Variants in CPQ observed in about 807,000 individuals in gnomAD.
The protein encoded by CPQ is Ser-Met dipeptidase.
In CPQ, 37 loss-of-function variants were observed where a neutral mutation model predicts 45.7. The observed-to-expected ratio is 0.81, with a 90% CI of 0.62 to 1.07. The LOEUF is 1.07. Ranked by LOEUF, CPQ falls within the 50% of genes least tolerant of loss-of-function variation. CPQ has a pLI of 0.00. For synonymous variants in CPQ, 186 were observed against 205.8 expected (o/e 0.90, Z 0.82); for missense variants, 537 against 572.9 (o/e 0.94, Z 0.64).
At chr8:97,064,690 T>C (rs1216145010) in intron 6 of CPQ, among the ~76,000 whole-genome samples, 2 of 152,180 alleles carry the variant, frequency 1.3e-5, no homozygotes, top group African/African-American at 2.4e-5. Context: ...AACTACAATA[T>C]ACTTCCAAAG....
At chr8:96,707,395 T>TG in intron 1 of CPQ, among the ~76,000 whole-genome samples, 1 of 152,270 alleles carries the variant, frequency 6.6e-6, no homozygotes, top group East Asian at 1.9e-4. Context: ...ACTTCAAGCT[T>TG]GTCCAACCTG....
At chr8:96,899,615 G>A (rs181517678) in intron 4 of CPQ, among the ~76,000 whole-genome samples, 2 of 152,090 alleles carry the variant, frequency 1.3e-5, no homozygotes, top group East Asian at 3.9e-4. Context: ...GAGAGTGGGA[G>A]GAGAGGTGCC....
At chr8:97,048,636 G>C (rs936781083) in intron 6 of CPQ, among the ~76,000 whole-genome samples, 2 of 152,186 alleles carry the variant, frequency 1.3e-5, no homozygotes, top group African/African-American at 4.8e-5. Context: ...GCACCTGCCA[G>C]AATGGATTGG....
intron 6 of CPQ, among the ~76,000 whole-genome samples, chr8:97,059,444 T>G (rs1257562725): frequency 6.6e-6 from 1 of 152,126 alleles, no homozygotes; most frequent in South Asian, 2.1e-4. Flanking sequence ...ATAAAATAAT[T>G]TATGTTATCA....
intron 1 of CPQ, among the ~76,000 whole-genome samples, chr8:96,708,166 TTGCCTCTCTTCTTC>T (rs1809557962): frequency 6.6e-6 from 1 of 152,124 alleles, no homozygotes; most frequent in African/African-American, 2.4e-5. Context: ...CCATCTTCCT[TTGCCTCTCTTCTTC>T]TGCCTCTCCC....
intron 1 of CPQ, among the ~76,000 whole-genome samples, chr8:96,660,843 A>G (rs541459834): frequency 1.3e-5 from 2 of 152,270 alleles, no homozygotes; most frequent in South Asian, 4.1e-4. Flanking sequence ...CTGATCTGAA[A>G]TATCATCTTT....
chr8:96,920,728 T>C (rs1453027449), intron 4 of CPQ, among the ~76,000 whole-genome samples: 1 of 152,012 alleles, frequency 6.6e-6, no homozygotes, highest in Non-Finnish European at 1.5e-5. Context: ...AAGAAGAAAT[T>C]TGGACACACA....
chr8:96,973,143 T>C (rs1248876834), intron 5 of CPQ, among the ~76,000 whole-genome samples: 3 of 151,950 alleles, frequency 2.0e-5, no homozygotes, highest in East Asian at 3.9e-4. Context: ...TTATGGGATA[T>C]GAAACAAAAA....
chr8:96,867,406 TGGGTGAATAA>T (rs1462244811), intron 3 of CPQ, among the ~76,000 whole-genome samples: 1 of 151,980 alleles, frequency 6.6e-6, no homozygotes, highest in Non-Finnish European at 1.5e-5. Context: ...TGAATAAAAA[TGGGTGAATAA>T]GGCAATATTA....
At chr8:96,924,412 C>T (rs775152876) in intron 4 of CPQ, among the ~76,000 whole-genome samples, 6 of 152,278 alleles carry the variant, frequency 3.9e-5, no homozygotes, top group Non-Finnish European at 5.9e-5. Flanking sequence ...TTTATGCAGA[C>T]AAGAAAAATA....
At chr8:97,082,053 G>C (rs1300181882) in intron 7 of CPQ, among the ~76,000 whole-genome samples, 1 of 152,148 alleles carries the variant, frequency 6.6e-6, no homozygotes, top group Non-Finnish European at 1.5e-5. Flanking sequence ...GATTCCTACA[G>C]TACTAAGTTA....
At chr8:96,922,327 G>C (rs1342425588) in intron 4 of CPQ, among the ~76,000 whole-genome samples, 3 of 152,104 alleles carry the variant, frequency 2.0e-5, no homozygotes, top group Admixed American at 1.3e-4. Flanking sequence ...CATAAGTAGA[G>C]GGTTTGGAAA....
intron 7 of CPQ, among the ~76,000 whole-genome samples, chr8:97,104,031 G>A (rs908188751): frequency 5.3e-5 from 8 of 152,134 alleles, no homozygotes; most frequent in Non-Finnish European, 8.8e-5. Flanking sequence ...CTTCAAGGAT[G>A]ATAGTACTCA....
chr8:96,651,477 T>C (rs933535367), intron 1 of CPQ, among the ~76,000 whole-genome samples: 5 of 152,252 alleles, frequency 3.3e-5, no homozygotes, highest in Non-Finnish European at 7.3e-5. Flanking sequence ...TGACTCTTTA[T>C]GCATCAAACA....
chr8:96,821,711 T>G (rs1421583049), intron 2 of CPQ, among the ~76,000 whole-genome samples: 6 of 151,978 alleles, frequency 3.9e-5, no homozygotes. Context: ...TGTTCTTTCA[T>G]TGACTAATAA....
chr8:96,951,409 A>C (rs1226887548), intron 4 of CPQ, among the ~76,000 whole-genome samples: 1 of 152,132 alleles, frequency 6.6e-6, no homozygotes, highest in Non-Finnish European at 1.5e-5. Context: ...TGCAATTTAC[A>C]TTCTTAAAAT....
chr8:96,697,407 C>T (rs1380957351), intron 1 of CPQ, among the ~76,000 whole-genome samples: 1 of 152,114 alleles, frequency 6.6e-6, no homozygotes, highest in African/African-American at 2.4e-5. Context: ...AGATCTATAG[C>T]TAGTATCTTA....
At chr8:96,715,171 G>A (rs112144000) in intron 1 of CPQ, among the ~76,000 whole-genome samples, 2,917 of 152,294 alleles carry the variant, frequency 0.019, 50 homozygotes, top group Middle Eastern at 0.082. Flanking sequence ...GCCAAAGCAG[G>A]TGGGTAAATG....
At chr8:96,852,787 C>T (rs561404053) in intron 3 of CPQ, among the ~76,000 whole-genome samples, 1 of 152,242 alleles carries the variant, frequency 6.6e-6, no homozygotes, top group African/African-American at 2.4e-5. Context: ...TCCCAGCTCA[C>T]GTTCCAGGCG....
Sources: gnomAD v4.1 joint callset for allele counts (sites outside exome capture counted in the v4.1 genomes callset) on GRCh38, gnomAD v4.1.1 for gene constraint, MANE v1.5 for transcripts, NCBI Gene and HGNC (gene_info 2026-07-23, HGNC 2026-07-21) for gene names.